FOLH1: variants seen among roughly 807,000 people sequenced by gnomAD.
FOLH1 encodes folate hydrolase 1.
Under a neutral mutation model 93.9 loss-of-function variants are expected in FOLH1, and 54 were observed. The observed-to-expected ratio is 0.57, with a 90% CI of 0.46 to 0.72. The LOEUF is 0.72. Among genes scored for constraint, FOLH1 ranks in the 30% least tolerant of loss-of-function variants. The probability of loss-of-function intolerance (pLI) is 0.00; values close to 1 mark genes in which losing one functional copy is unlikely to be tolerated. For missense variants in FOLH1, 571 were observed against 892.5 expected (o/e 0.64, Z 4.59); for synonymous variants, 249 against 303.6 (o/e 0.82, Z 1.87).
chr11:49,200,353 G>A lies in FOLH1; in HGVS notation c.313C>T (p.Leu105=), dbSNP rs570533286. The A allele has an allele frequency of 3.7e-6, 6 of 1,613,512 alleles. No individual in the cohort carries two copies. The highest frequency in any genetic ancestry group is 5.1e-6 in the Non-Finnish European group (6 of 1,179,676). Reference sequence around the variant, plus strand: ...TAATGTGCTAGCTCAACAGAATCCAGGCCAAATTCTTTCCACTGGGATTGA... The same window carrying A: ...TAATGTGCTAGCTCAACAGAATCCAAGCCAAATTCTTTCCACTGGGATTGA... ...QIQSQWKEFG[L]DSVELAHYDV... Residue 105 remains leucine (L), a synonymous_variant, in exon 3 of 19, where the codon CTG becomes TTG. Transcript: ENST00000256999.
chr11:49,207,002 T>C (rs2135359244), intron 1 of FOLH1: 1 of 560,646 alleles, frequency 1.8e-6, no homozygotes. Flanking sequence ...ATTCTAGTTC[T>C]TAATCGCATG....
intron 13 of FOLH1, among the ~76,000 whole-genome samples, chr11:49,162,353 T>A (rs1323442071): frequency 1.3e-5 from 2 of 152,228 alleles, no homozygotes; most frequent in Admixed American, 6.5e-5. Flanking sequence ...GCCTGTATTA[T>A]TTCAGAAAGA....
At position 49,157,105 on chromosome 11, in the gene FOLH1, C is replaced by T. The variant is rs568105888; in HGVS notation, c.1533-298G>A. ...CCATTTATCATCTTTATTTGTTGTA[C>T]ATAATAGAGTGAAAAGCAAATATTT... On this transcript the variant is annotated intron_variant, in intron 14 of 18. Coordinates refer to ENST00000256999, the MANE Select transcript of FOLH1 (RefSeq NM_004476.3). Among the ~76,000 whole-genome samples the T allele has an allele frequency of 6.3e-4, 96 of 152,002 alleles. 1 individual carries two copies. The highest frequency in any genetic ancestry group is 2.2e-3 in the African/African-American group (91 of 41,472).
At chr11:49,175,072 G>T (rs1456916094) in intron 8 of FOLH1, 95 bp from the exon 9 acceptor site, 14 of 1,105,926 alleles carry the variant, frequency 1.3e-5, no homozygotes, top group Admixed American at 2.4e-5. Flanking sequence ...GCCTTTGAAG[G>T]TTCAAGTCTG....
rs71454046 is a variant in FOLH1, at chr11:49,159,906, CTT to C, written c.1441-1865_1441-1864del. On this transcript the variant is annotated intron_variant, in intron 13 of 18. Coordinates refer to ENST00000256999, the MANE Select transcript of FOLH1 (RefSeq NM_004476.3). ...TATCCTTTTTTTTCTTTTTCCTTTTCTTTTTTTTTTTCTGTTTTTGTTTTGTT... is the reference window on the plus strand; with the variant it reads ...TATCCTTTTTTTTCTTTTTCCTTTTCTTTTTTTTTCTGTTTTTGTTTTGTT... 6.2e-5 allele frequency among the ~76,000 whole-genome samples: 9 copies of C among 144,472 alleles called. No homozygotes were observed. The East Asian group carries it at 1.4e-3, about 23-fold the overall frequency. 94.8% of individuals were successfully genotyped at this position (144,472 alleles called of 152,430 possible). A position where few individuals can be genotyped will look rare whatever the true frequency, so the allele number is the denominator to read the frequency against.
intron 12 of FOLH1, 99 bp downstream of exon 12, chr11:49,169,096 A>G (rs1288895434): frequency 2.2e-5 from 30 of 1,361,744 alleles, no homozygotes; most frequent in Non-Finnish European, 3.0e-5. Flanking sequence ...CCCTAACCAC[A>G]CATTAATGCA....
intron 2 of FOLH1, among the ~76,000 whole-genome samples, chr11:49,205,500 T>TTG (rs1436347747): frequency 1.3e-5 from 2 of 152,114 alleles, no homozygotes; most frequent in East Asian, 3.9e-4. Context: ...TCCAAAGTAT[T>TTG]AATAGGCAAA....
intron 4 of FOLH1, among the ~76,000 whole-genome samples, chr11:49,189,242 C>A (rs1861753515): frequency 6.6e-6 from 1 of 152,124 alleles, no homozygotes; most frequent in Non-Finnish European, 1.5e-5. Flanking sequence ...GTCATGCTTG[C>A]CTTTCGAAAG....
intron 3 of FOLH1, among the ~76,000 whole-genome samples, chr11:49,198,102 T>C (rs945215019): frequency 2.0e-5 from 3 of 152,104 alleles, no homozygotes; most frequent in Admixed American, 6.5e-5. Context: ...ATTATGCATG[T>C]TTGTAATACA....
chr11:49,173,868 A>G (rs981241951), intron 9 of FOLH1, among the ~76,000 whole-genome samples: 17 of 152,110 alleles, frequency 1.1e-4, no homozygotes, highest in Non-Finnish European at 2.4e-4. Context: ...TATTCTTTCT[A>G]TTCAGTTTTT....
At chr11:49,190,394 G>A (rs397834158) in intron 4 of FOLH1, among the ~76,000 whole-genome samples, 2 of 152,198 alleles carry the variant, frequency 1.3e-5, no homozygotes, top group African/African-American at 2.4e-5. Flanking sequence ...AGACCTTCTT[G>A]TACAACTTAC....
chr11:49,184,554 T>C (rs1861155736), intron 6 of FOLH1, among the ~76,000 whole-genome samples: 1 of 152,142 alleles, frequency 6.6e-6, no homozygotes, highest in African/African-American at 2.4e-5. Context: ...CAGGTAGATT[T>C]ATATAATTTT....
Position 49,154,296 on chromosome 11 carries a change from T to C in FOLH1, c.1820A>G (p.Tyr607Cys). The C allele has an allele frequency of 6.2e-7, 1 of 1,613,506 alleles. No homozygotes were observed. Among genetic ancestry groups the C allele is most frequent in the Non-Finnish European group, 8.5e-7 (1 of 1,179,622 alleles). ...CRDYAVVLRK[Y>C]ADKIYSISMK... is the part of the protein sequence containing the mutation. The stretch of plus-strand genomic sequence containing the variant: ...AGAAATACTGTAGATTTTGTCAGCA[T>C]ACTTTCTTAAAACTACAGCATAATC... Residue 607 changes from tyrosine to cysteine, a missense_variant, in exon 16 of 19, where the codon TAT becomes TGT. By Grantham distance (194) the Tyr-to-Cys change is radical. This residue lies in a region of FOLH1 where 500 missense variants were observed against 822.9 expected (regional missense o/e 0.61). Coordinates refer to ENST00000256999, the MANE Select transcript of FOLH1 (RefSeq NM_004476.3).
Position 49,171,207 on chromosome 11 carries a change from A to T in FOLH1, c.1296T>A (p.Thr432=), listed in dbSNP as rs1406763509. Residue 432 remains threonine, a synonymous_variant, in exon 11 of 19, where the codon ACT becomes ACA. Coordinates refer to ENST00000256999, the MANE Select transcript of FOLH1 (RefSeq NM_004476.3). ...DAEEFGLLGS[T]EWAEENSRLL... ...ATTACCAACTAACCTCTGCCCACTC[A>T]GTAGAACCAAGAAGACCAAATTCTT... is the stretch of plus-strand genomic sequence containing the variant. The T allele has an allele frequency of 3.8e-6, 6 of 1,579,428 alleles. No homozygotes were observed. Among genetic ancestry groups the T allele is most frequent in the Non-Finnish European group, 5.1e-6 (6 of 1,167,176 alleles).
intron 3 of FOLH1, among the ~76,000 whole-genome samples, chr11:49,196,852 T>G (rs1358157385): frequency 6.6e-6 from 1 of 152,212 alleles, no homozygotes; most frequent in Non-Finnish European, 1.5e-5. Flanking sequence ...CTATCAAAAC[T>G]TCTTTTCAAC....
chr11:49,156,256 T>TAC (rs1211030222), intron 15 of FOLH1, among the ~76,000 whole-genome samples: 2 of 151,962 alleles, frequency 1.3e-5, no homozygotes, highest in African/African-American at 4.8e-5. Context: ...AATATATATA[T>TAC]CATTTTTCAT....
At chr11:49,196,687 G>A (rs1365095886) in intron 3 of FOLH1, among the ~76,000 whole-genome samples, 1 of 152,146 alleles carries the variant, frequency 6.6e-6, no homozygotes, top group Admixed American at 6.5e-5. Flanking sequence ...AGAAAAATGT[G>A]TTTAATATAA....
intron 4 of FOLH1, among the ~76,000 whole-genome samples, chr11:49,188,452 G>T (rs1861657870): frequency 6.7e-6 from 1 of 149,706 alleles, no homozygotes; most frequent in Non-Finnish European, 1.5e-5. Flanking sequence ...GGTGGAGGTT[G>T]CAGTGAGCCA....
intron 6 of FOLH1, among the ~76,000 whole-genome samples, chr11:49,185,401 C>T (rs1431799020): frequency 6.6e-6 from 1 of 152,082 alleles, no homozygotes; most frequent in African/African-American, 2.4e-5. Context: ...CCCTATGTCA[C>T]TGTTATGCAA....
Sources: allele counts gnomAD v4.1 joint callset (sites outside exome capture counted in the v4.1 genomes callset), GRCh38; gene constraint gnomAD v4.1.1; regional missense constraint gnomAD v4.1.1; transcripts MANE v1.5; gene names NCBI Gene and HGNC (gene_info 2026-07-23, HGNC 2026-07-21).